Variants in USP16 observed in about 807,000 individuals in gnomAD.
The protein encoded by USP16 is ubiquitin specific peptidase 16, also known as ubiquitin carboxyl-terminal hydrolase 16.
Under a neutral mutation model 95.9 loss-of-function variants are expected in USP16, and 77 were observed. The ratio of observed to expected loss-of-function variants is 0.80; its 90% CI spans 0.67 to 0.97. The LOEUF (loss-of-function observed/expected upper bound fraction) is 0.97. USP16 is among the 50% of genes least tolerant of loss of function. USP16 has a pLI of 0.00. For synonymous variants in USP16, 303 were observed against 318.2 expected, an observed-to-expected ratio of 0.95 and a Z score of 0.51; for missense variants, 943 against 959.9, an observed-to-expected ratio of 0.98 and a Z score of 0.23.
At chr21:29,025,768 T>A (rs2084977352) in intron 1 of USP16, 1 of 975,966 alleles carries the variant, frequency 1.0e-6, no homozygotes, top group Non-Finnish European at 1.2e-6. Flanking sequence ...CCTTTATGCC[T>A]CAGGTACTAT....
chr21:29,043,924 C>A (rs563703102), intron 13 of USP16, among the ~76,000 whole-genome samples: 1 of 151,980 alleles, frequency 6.6e-6, no homozygotes, highest in African/African-American at 2.4e-5. Context: ...AAGTCCCCCT[C>A]CCACCACTGT....
chr21:29,037,066 A>G (rs2085168406), intron 5 of USP16, among the ~76,000 whole-genome samples: 1 of 152,182 alleles, frequency 6.6e-6, no homozygotes, highest in Non-Finnish European at 1.5e-5. Flanking sequence ...ACTAATGCTT[A>G]CTTTAGGTCT....
chr21:29,038,958 T>G (rs560173167), intron 7 of USP16, 68 bp from the exon 8 acceptor site: 2 of 1,399,032 alleles, frequency 1.4e-6, no homozygotes, highest in East Asian at 5.2e-5. Flanking sequence ...TGTTAACTAA[T>G]TAGATTTTAG....
Position 29,042,520 on chromosome 21 carries a change from G to A in USP16, c.1171G>A (p.Asp391Asn). 4 of 1,602,132 alleles carry A rather than the reference G, an allele frequency of 2.5e-6. No homozygotes were observed. Among genetic ancestry groups the A allele is most frequent in the Non-Finnish European group, 3.4e-6 (4 of 1,176,164 alleles). ...CCTTGATTTGTCCCTCCCAGTTTTA[G>A]ATGATCAGGTAAGACTATTGAATTT... ...SFLDLSLPVL[D>N]DQSGKKSVND... Residue 391 changes from aspartate (D) to asparagine (N), a missense_variant, in exon 12 of 18, where the codon GAT becomes AAT. Physicochemically the swap from Asp to Asn is conservative, Grantham distance 23. Transcript: ENST00000399976.
Position 29,039,048 on chromosome 21 carries a change from A to G in USP16, c.755A>G (p.Glu252Gly). ...ALTEPLEINL[E>G]PPGPLTLAMS... ...CAGGAACCATTAGAAATAAACCTTG[A>G]GCCTCCAGGCCCTCTTACTTTAGCC... Residue 252 changes from glutamate to glycine, a missense_variant, in exon 8 of 18, where the codon GAG becomes GGG. Physicochemically the swap from Glu to Gly is moderately conservative, Grantham distance 98 (BLOSUM62 -2). Coordinates refer to ENST00000399976, the MANE Select transcript of USP16 (RefSeq NM_006447.3). 2 of 1,562,086 alleles carry G rather than the reference A, an allele frequency of 1.3e-6. No homozygotes were observed. Among genetic ancestry groups the G allele is most frequent in the Non-Finnish European group, 1.7e-6 (2 of 1,154,140 alleles).
intron 13 of USP16, 30 bp from the exon 14 acceptor site, chr21:29,046,637 A>AT: frequency 6.4e-7 from 1 of 1,553,180 alleles, no homozygotes; most frequent in Non-Finnish European, 8.6e-7. Context: ...CTTTTTCTTT[A>AT]TTTTTTGATG....
chr21:29,049,406 A>G (rs1230952990), intron 15 of USP16, among the ~76,000 whole-genome samples: 1 of 152,178 alleles, frequency 6.6e-6, no homozygotes, highest in Non-Finnish European at 1.5e-5. Context: ...CTTTATTAAC[A>G]ATTCACTAAG....
chr21:29,053,807 T>C lies in USP16; in HGVS notation c.2199T>C (p.Val733=), dbSNP rs2085452694. The C allele has an allele frequency of 6.2e-7, 1 of 1,609,756 alleles. No homozygotes were observed. The highest frequency in any genetic ancestry group is 8.5e-7 in the Non-Finnish European group (1 of 1,178,942). The part of the protein sequence containing the change: ...APFCTLKCKN[V]AEENTRVLYS... ...GATTCTACTCATTTTTAAAGAATGTTGCAGAAGAAAATACAAGGGTACTCT... is the reference window on the plus strand; with the variant it reads ...GATTCTACTCATTTTTAAAGAATGTCGCAGAAGAAAATACAAGGGTACTCT... The change falls in exon 17 of 18, where the codon GTT becomes GTC. Residue 733 remains valine, a synonymous_variant. Transcript: ENST00000399976.
rs776163661 is a variant in USP16 at position 29,048,796 on chromosome 21, C to A, written c.2047C>A (p.Gln683Lys). ...GCATGTTTACACCAATGCCAAAAAGCAGATGCTAATTTCTCTTGCTCCTCC... is the reference window on the plus strand; with the variant it reads ...GCATGTTTACACCAATGCCAAAAAGAAGATGCTAATTTCTCTTGCTCCTCC... ...RKHVYTNAKK[Q>K]MLISLAPPVL... Residue 683 changes from glutamine (Q) to lysine (K), a missense_variant, in exon 15 of 18, where the codon CAG (glutamine) becomes AAG (lysine). By Grantham distance (53) the Gln-to-Lys change is moderately conservative (BLOSUM62 1). Transcript: ENST00000399976. The A allele has an allele frequency of 4.3e-6, 7 of 1,613,694 alleles. No individual in the cohort carries two copies. In the African/African-American group the frequency reaches 8.0e-5, roughly 18 times the overall value.
intron 4 of USP16, among the ~76,000 whole-genome samples, chr21:29,035,912 C>T (rs564903465): frequency 5.9e-5 from 9 of 151,506 alleles, no homozygotes; most frequent in Admixed American, 2.6e-4. Flanking sequence ...AGCGAGACTC[C>T]GTCTCAAAAA....
chr21:29,054,414 ATTAC>A lies in USP16; in HGVS notation c.*231_*234del. ...TTTGTTTCTGGAAAGGAAATCCTGAATTACTTAAGTACTTTGTGTTTAATATATC... is the reference window on the plus strand; with the variant it reads ...TTTGTTTCTGGAAAGGAAATCCTGAATTAAGTACTTTGTGTTTAATATATC... On this transcript the variant is annotated 3_prime_UTR_variant, in exon 18 of 18. Transcript: ENST00000399976. 3.6e-6 allele frequency: 2 copies of A among 550,186 alleles called. No individual in the cohort carries two copies. Among genetic ancestry groups the A allele is most frequent in the South Asian group, 2.4e-5 (1 of 42,390 alleles). 34.1% of individuals were successfully genotyped at this position (550,186 alleles called of 1,614,324 possible).
intron 7 of USP16, among the ~76,000 whole-genome samples, chr21:29,038,685 A>G (rs1016767309): frequency 3.9e-5 from 6 of 152,260 alleles, no homozygotes; most frequent in Non-Finnish European, 5.9e-5. Context: ...GAGAAGCCTT[A>G]GGCTTACATT....
chr21:29,049,135 C>A (rs1164938610), intron 15 of USP16, among the ~76,000 whole-genome samples: 3 of 152,126 alleles, frequency 2.0e-5, no homozygotes, highest in African/African-American at 7.2e-5. Flanking sequence ...AAGAAAAAGA[C>A]TGGTGTGTTA....
rs755772278 is a variant in USP16 at position 29,036,277 on chromosome 21, C to T, written c.351C>T (p.Tyr117=). The change falls in exon 5 of 18, where the codon TAC becomes TAT. Residue 117 remains tyrosine, a synonymous_variant. Coordinates refer to ENST00000399976, the MANE Select transcript of USP16 (RefSeq NM_006447.3). ...LSLDNWSVWC[Y]VCDNEVQYCS... is the part of the protein sequence containing the mutation. ...TCTGATTTTTGGGTCACAGGTGTTA[C>T]GTATGTGATAATGAGGTCCAGTATT... 81 of 1,607,944 alleles carry T rather than the reference C, an allele frequency of 5.0e-5. 2 individuals are homozygous for T. In the South Asian group the frequency reaches 7.7e-4, roughly 15 times the overall value.
intron 14 of USP16, among the ~76,000 whole-genome samples, chr21:29,047,958 A>ATGTATATATATATG (rs1568898504): frequency 3.3e-5 from 5 of 150,194 alleles, no homozygotes; most frequent in African/African-American, 1.2e-4. Context: ...ATATATATAT[A>ATGTATATATATATG]TGTGTGTGTA....
rs745633335 is a variant in USP16 at position 29,043,475 on chromosome 21, A to C, written c.1232A>C (p.Glu411Ala). The stretch of plus-strand genomic sequence containing the variant: ...AATCTGAAAAAGACAGTGGAGGATG[A>C]AGATCAAGATAGTGAGGAAGAAAAA... ...DKNLKKTVEDEDQDSEEEKDN... is the reference protein window; with the variant it reads ...DKNLKKTVEDADQDSEEEKDN... Residue 411 changes from glutamate to alanine, a missense_variant, in exon 13 of 18, where the codon GAA (glutamate) becomes GCA (alanine). Transcript: ENST00000399976. The C allele has an allele frequency of 7.6e-6, 12 of 1,581,104 alleles. No homozygotes were observed. Among genetic ancestry groups the C allele is most frequent in the Non-Finnish European group, 1.0e-5 (12 of 1,167,046 alleles).
rs75530923 is a variant in USP16 at position 29,053,309 on chromosome 21, G to A, written c.2194-493G>A. On this transcript the variant is annotated intron_variant, in intron 16 of 17. Transcript: ENST00000399976. ...ATAGAGTCCTGAAAGAATAAGCAGCGTGCACTCTCTCGTGGGGAAAGTGAA... is the reference window on the plus strand; with the variant it reads ...ATAGAGTCCTGAAAGAATAAGCAGCATGCACTCTCTCGTGGGGAAAGTGAA... 1,116 of 154,156 alleles carry A rather than the reference G, an allele frequency of 7.2e-3. 12 individuals are homozygous for A. Among genetic ancestry groups the A allele is most frequent in the African/African-American group, 0.025 (1,053 of 41,546 alleles). The allele number at this position is 154,156 out of a possible 1,614,324, so 9.5% of individuals were successfully genotyped here.
rs187041225 is a variant in USP16 at position 29,048,983 on chromosome 21, A to G, written c.2106+128A>G. ...CTGTTGTTTCTTAACTGTAATGTCA[A>G]TGAAGTCAGAAAGGGAAAAACATAG... On this transcript the variant is annotated intron_variant, in intron 15 of 17. Transcript: ENST00000399976. 5.6e-4 allele frequency: 407 copies of G among 722,378 alleles called. 5 individuals are homozygous for G. The African/African-American group carries it at 6.0e-3, about 11-fold the overall frequency. 44.7% of individuals were successfully genotyped at this position (722,378 alleles called of 1,614,324 possible). A position where few individuals can be genotyped will look rare whatever the true frequency, so the allele number is the denominator to read the frequency against.
intron 4 of USP16, among the ~76,000 whole-genome samples, chr21:29,035,846 G>A (rs1170591177): frequency 2.0e-5 from 3 of 152,028 alleles, no homozygotes; most frequent in African/African-American, 4.8e-5. Flanking sequence ...ATGAACCAGG[G>A]AGCTGGAGGT....
Sources: gnomAD v4.1 joint callset for allele counts (sites outside exome capture counted in the v4.1 genomes callset) on GRCh38, gnomAD v4.1.1 for gene constraint, MANE v1.5 for transcripts, NCBI Gene and HGNC (gene_info 2026-07-23, HGNC 2026-07-21) for gene names.